The following NETO1 variants were observed in gnomAD, a reference collection of about 807,000 sequenced individuals.
The protein encoded by NETO1 is neuropilin and tolloid like 1.
In NETO1, 26 loss-of-function variants were observed where a neutral mutation model predicts 61.3. The ratio of observed to expected loss-of-function variants is 0.42; its 90% CI spans 0.31 to 0.59. The LOEUF (loss-of-function observed/expected upper bound fraction) is 0.59, where lower values mean the gene tolerates loss of function less well. Ranked by LOEUF, NETO1 falls within the 20% of genes least tolerant of loss-of-function variation. The pLI is 0.12. For synonymous variants in NETO1, 225 were observed against 225.8 expected (o/e 1.00, Z 0.03); for missense variants, 531 against 662.8 (o/e 0.80, Z 2.18).
intron 4 of NETO1, among the ~76,000 whole-genome samples, chr18:72,798,044 T>C (rs2072377287): frequency 6.6e-6 from 1 of 152,258 alleles, no homozygotes; most frequent in Admixed American, 6.5e-5. Context: ...TATTTGTCTG[T>C]ATATTTTTTT....
Position 72,756,114 on chromosome 18 carries a change from C to G in NETO1, c.902G>C (p.Ser301Thr). The change falls in exon 8 of 11, where the codon AGT becomes ACT. Residue 301 changes from serine to threonine, a missense_variant. Physicochemically the swap from Ser to Thr is moderately conservative, Grantham distance 58. Coordinates refer to ENST00000327305, the MANE Select transcript of NETO1 (RefSeq NM_138966.5). ...CAAAGTATTATTAATACACATGTTA[C>G]TATGGCAGAAGAATGTGTTGCCTTC... ...PCEGNTFFCH[S>T]NMCINNTLVC... 1 of 1,607,548 alleles carries G rather than the reference C, an allele frequency of 6.2e-7. No homozygotes were observed.
intron 10 of NETO1, 105 bp downstream of exon 10, chr18:72,748,909 T>G: frequency 1.3e-6 from 1 of 764,312 alleles, no homozygotes; most frequent in African/African-American, 1.7e-5. Context: ...AACACATATC[T>G]CAAGAAATAA....
Position 72,813,459 on chromosome 18 carries a change from C to T in NETO1, c.470-19055G>A, listed in dbSNP as rs144484313. ...AGACCTGAGGGAAGAACAGTGAAAA[C>T]GAAGAGAAGAAATGAATCTTGAAAG... On this transcript the variant is annotated intron_variant, in intron 4 of 10. Transcript: ENST00000327305. Among the ~76,000 whole-genome samples, 420 of 152,086 alleles carry T rather than the reference C, an allele frequency of 2.8e-3. 2 individuals are homozygous for T. The highest frequency in any genetic ancestry group is 9.7e-3 in the African/African-American group (403 of 41,486).
rs550129254 is a variant in NETO1 at position 72,799,535 on chromosome 18, A to T, written c.470-5131T>A. ...GACTGGACGGCTTTCTTGTTTCCCTACCTTGGTCAAAGGTAGGGAATGTGA... is the reference window on the plus strand; with the variant it reads ...GACTGGACGGCTTTCTTGTTTCCCTTCCTTGGTCAAAGGTAGGGAATGTGA... On this transcript the variant is annotated intron_variant, in intron 4 of 10. Transcript: ENST00000327305. Among the ~76,000 whole-genome samples, 5 of 152,262 alleles carry T rather than the reference A, an allele frequency of 3.3e-5. No individual in the cohort carries two copies. The East Asian group carries it at 9.7e-4, about 29-fold the overall frequency.
chr18:72,766,386 C>A (rs2071162159), intron 7 of NETO1, among the ~76,000 whole-genome samples: 1 of 152,026 alleles, frequency 6.6e-6, no homozygotes. Flanking sequence ...AAAAATTTCC[C>A]TTGTCAGCAC....
At chr18:72,841,957 T>C (rs1221140912) in intron 4 of NETO1, among the ~76,000 whole-genome samples, 2 of 152,098 alleles carry the variant, frequency 1.3e-5, no homozygotes, top group African/African-American at 4.8e-5. Flanking sequence ...AAAAAAGACA[T>C]TTAGCTCTTT....
chr18:72,828,203 C>T (rs146108653), intron 4 of NETO1, among the ~76,000 whole-genome samples: 38 of 152,132 alleles, frequency 2.5e-4, no homozygotes, highest in Admixed American at 2.2e-3. Context: ...CTTAGCTACT[C>T]GGGAAGCTGA....
intron 1 of NETO1, 67 bp downstream of exon 1, chr18:72,867,197 C>T (rs2074766277): frequency 7.9e-7 from 1 of 1,267,740 alleles, no homozygotes; most frequent in Non-Finnish European, 1.1e-6. Context: ...CCTGCGCGTT[C>T]GGCCCCGGGA....
chr18:72,773,203 T>C (rs1457581112), intron 7 of NETO1, among the ~76,000 whole-genome samples: 3 of 151,998 alleles, frequency 2.0e-5, no homozygotes, highest in Admixed American at 1.3e-4. Flanking sequence ...TCCAGATTTC[T>C]ACTAACCACC....
chr18:72,750,670 C>T (rs371621194), intron 8 of NETO1, 50 bp from the exon 9 acceptor site: 70 of 1,336,314 alleles, frequency 5.2e-5, no homozygotes, highest in African/African-American at 7.3e-5. Flanking sequence ...GAAGAAGCAA[C>T]GCAGCAAACA....
At chr18:72,859,260 G>C (rs1017647567) in intron 3 of NETO1, among the ~76,000 whole-genome samples, 186 bp from the exon 4 acceptor site, 8 of 152,162 alleles carry the variant, frequency 5.3e-5, no homozygotes, top group Non-Finnish European at 1.2e-4. Flanking sequence ...TGTCTAAGGA[G>C]TGAAACTTAA....
intron 4 of NETO1, among the ~76,000 whole-genome samples, chr18:72,837,366 A>T (rs2073783820): frequency 6.6e-6 from 1 of 152,202 alleles, no homozygotes; most frequent in African/African-American, 2.4e-5. Context: ...GTCTGGATAT[A>T]AGAAAAAGTA....
At chr18:72,754,143 T>C (rs1290516738) in intron 8 of NETO1, among the ~76,000 whole-genome samples, 1 of 152,138 alleles carries the variant, frequency 6.6e-6, no homozygotes, top group Non-Finnish European at 1.5e-5. Flanking sequence ...TCTGAGAAGC[T>C]AAGCTGTATG....
intron 7 of NETO1, among the ~76,000 whole-genome samples, chr18:72,758,774 T>G (rs2070872160): frequency 6.6e-6 from 1 of 152,092 alleles, no homozygotes; most frequent in Non-Finnish European, 1.5e-5. Flanking sequence ...AGGTGGAGGT[T>G]GCAGTGAGCC....
At chr18:72,762,534 G>A (rs9636028) in intron 7 of NETO1, among the ~76,000 whole-genome samples, 45,861 of 151,996 alleles carry the variant, frequency 0.3, 8,137 homozygotes, top group South Asian at 0.41. Flanking sequence ...AAAAAGTTTT[G>A]TAATTAAAGG....
intron 4 of NETO1, among the ~76,000 whole-genome samples, chr18:72,838,248 C>T (rs1292720644): frequency 6.6e-6 from 1 of 152,208 alleles, no homozygotes; most frequent in East Asian, 1.9e-4. Context: ...CTGTGGTTAA[C>T]TCTAGGCTTC....
Position 72,867,420 on chromosome 18 carries a change from G to A in NETO1, c.-129C>T, listed in dbSNP as rs1402768016. The A allele has an allele frequency of 7.0e-6, 4 of 571,018 alleles. No homozygotes were observed. The East Asian group carries it at 1.0e-4, about 15-fold the overall frequency. 35.4% of individuals were successfully genotyped at this position (571,018 alleles called of 1,614,324 possible). On this transcript the variant is annotated 5_prime_UTR_variant, in exon 1 of 11. Coordinates refer to ENST00000327305, the MANE Select transcript of NETO1 (RefSeq NM_138966.5). The stretch of plus-strand genomic sequence containing the variant: ...CAAAGCAAGAAGGAAATAAAGGGGG[G>A]CCGAGAGGGAGACCGAGAGGAAGGG...
intron 4 of NETO1, among the ~76,000 whole-genome samples, chr18:72,812,171 G>A (rs1309688865): frequency 1.3e-5 from 2 of 152,204 alleles, no homozygotes; most frequent in East Asian, 1.9e-4. Context: ...TCTCATTGAA[G>A]GCAGGAGAAA....
chr18:72,774,826 T>C (rs533649810), intron 7 of NETO1, among the ~76,000 whole-genome samples: 1 of 152,316 alleles, frequency 6.6e-6, no homozygotes, highest in East Asian at 1.9e-4. Context: ...CATGTGCTCT[T>C]CTCCACCGGG....
Sources: allele counts gnomAD v4.1 joint callset (sites outside exome capture counted in the v4.1 genomes callset), GRCh38; gene constraint gnomAD v4.1.1; transcripts MANE v1.5; gene names NCBI Gene and HGNC (gene_info 2026-07-23, HGNC 2026-07-21).